The following ZFAND2B variants were observed in gnomAD, a reference collection of about 807,000 sequenced individuals.
ZFAND2B encodes zinc finger AN1-type containing 2B.
A neutral mutation model predicts 38.2 loss-of-function variants in ZFAND2B; 27 were observed. The observed-to-expected ratio is 0.71, with a 90% CI of 0.52 to 0.97. The LOEUF (loss-of-function observed/expected upper bound fraction) is 0.97. ZFAND2B is among the 50% of genes least tolerant of loss of function. The pLI, the probability that ZFAND2B is intolerant of heterozygous loss-of-function variation, is 0.00. For missense variants in ZFAND2B, 303 were observed against 331.5 expected (o/e 0.91, Z 0.67); for synonymous variants, 111 against 119.4 (o/e 0.93, Z 0.46).
intron 4 of ZFAND2B, 79 bp from the exon 5 acceptor site, chr2:219,208,177 G>A: frequency 6.3e-7 from 1 of 1,599,790 alleles, no homozygotes; most frequent in East Asian, 2.2e-5. Context: ...TCAAGTGCAT[G>A]TTTTTCCAGA....
In ZFAND2B at chr2:219,209,021, C is replaced by T; in HGVS notation, c.701C>T (p.Ala234Val). The change falls in exon 8 of 9, where the codon GCC becomes GTC. Residue 234 changes from alanine to valine, a missense_variant. Coordinates refer to ENST00000289528, the MANE Select transcript of ZFAND2B (RefSeq NM_138802.3). The stretch of plus-strand genomic sequence containing the variant: ...CTAGCTTTAGCACAAGCACTGTCAG[C>T]CAGTGAGGCAGAATACCAGCGGCAG... ...EDLALAQALS[A>V]SEAEYQRQQA... is the part of the protein sequence containing the mutation. 6.2e-7 allele frequency: 1 copy of T among 1,614,154 alleles called. No individual in the cohort carries two copies. The highest frequency in any genetic ancestry group is 8.5e-7 in the Non-Finnish European group (1 of 1,180,016).
At position 219,207,360 on chromosome 2, in the gene ZFAND2B, G is replaced by T; in HGVS notation, c.89G>T (p.Gly30Val). The T allele has an allele frequency of 6.2e-7, 1 of 1,613,848 alleles. No homozygotes were observed. Among genetic ancestry groups the T allele is most frequent in the African/African-American group, 1.3e-5 (1 of 75,052 alleles). Residue 30 changes from glycine (G) to valine (V), a missense_variant, in exon 2 of 9, where the codon GGC becomes GTC. Gly to Val is a moderately radical substitution (Grantham distance 109). Coordinates refer to ENST00000289528, the MANE Select transcript of ZFAND2B (RefSeq NM_138802.3). ...CCGCTTAAGTGTGATGCCTGCTCAG[G>T]CATCTTCTGCGCAGACCATGTGGCC... ...FLPLKCDACS[G>V]IFCADHVAYA...
At chr2:219,207,807 C>A (rs767520105) in intron 3 of ZFAND2B, 28 bp downstream of exon 3, 1 of 1,613,756 alleles carries the variant, frequency 6.2e-7, no homozygotes. Flanking sequence ...CAGCCACAAC[C>A]CAGCTGGGAC....
chr2:219,207,962 C>T lies in ZFAND2B; in HGVS notation c.358C>T (p.Arg120Ter), dbSNP rs535919706. The T allele has an allele frequency of 1.9e-6, 3 of 1,614,070 alleles. No individual in the cohort carries two copies. The highest frequency in any genetic ancestry group is 1.7e-5 in the Admixed American group (1 of 60,016). Residue 120 changes from arginine to a stop codon, truncating the protein, a stop_gained, in exon 4 of 9, where the codon CGA becomes TGA. Transcript: ENST00000289528. LOFTEE classifies it high-confidence loss of function. ...GAAACTGACCTGTGAACGCTGTAGCCGAAACTTCTGCATCAAGCACCGGCA... is the reference window on the plus strand; with the variant it reads ...GAAACTGACCTGTGAACGCTGTAGCTGAAACTTCTGCATCAAGCACCGGCA... ...MMKLTCERCS[R>*]NFCIKHRHPL...
At position 219,207,942 on chromosome 2, in the gene ZFAND2B, T is replaced by G; in HGVS notation, c.338T>G (p.Leu113Arg). ...AGCRQREMMK[L>R]TCERCSRNFC... is the part of the protein sequence containing the mutation. ...TGCCGGCAGCGAGAAATGATGAAAC[T>G]GACCTGTGAACGCTGTAGCCGAAAC... is the stretch of plus-strand genomic sequence containing the variant. Residue 113 changes from leucine to arginine, a missense_variant, in exon 4 of 9, where the codon CTG (leucine) becomes CGG (arginine). Transcript: ENST00000289528. 3 of 1,614,118 alleles carry G rather than the reference T, an allele frequency of 1.9e-6. No individual in the cohort carries two copies. Among genetic ancestry groups the G allele is most frequent in the Non-Finnish European group, 2.5e-6 (3 of 1,180,018 alleles).
At chr2:219,208,086 G>C (rs1299783717) in intron 4 of ZFAND2B, 48 bp downstream of exon 4, 1 of 1,613,186 alleles carries the variant, frequency 6.2e-7, no homozygotes, top group Admixed American at 1.7e-5. Flanking sequence ...CATTCTTTTG[G>C]AACTGACTCA....
Position 219,207,963 on chromosome 2 carries a change from G to A in ZFAND2B, c.359G>A (p.Arg120Gln), listed in dbSNP as rs768918445. Reference sequence around the variant, plus strand: ...AAACTGACCTGTGAACGCTGTAGCCGAAACTTCTGCATCAAGCACCGGCAT... The same window carrying A: ...AAACTGACCTGTGAACGCTGTAGCCAAAACTTCTGCATCAAGCACCGGCAT... Reference protein sequence around the residue: ...MMKLTCERCSRNFCIKHRHPL... With the variant: ...MMKLTCERCSQNFCIKHRHPL... Residue 120 changes from arginine (R) to glutamine (Q), a missense_variant, in exon 4 of 9, where the codon CGA becomes CAA. By Grantham distance (43) the Arg-to-Gln change is conservative. Transcript: ENST00000289528. 121 of 1,614,006 alleles carry A rather than the reference G, an allele frequency of 7.5e-5. No homozygotes were observed. The highest frequency in any genetic ancestry group is 9.3e-5 in the Non-Finnish European group (110 of 1,180,024).
In ZFAND2B at chr2:219,209,248, T is replaced by A; in HGVS notation, c.730-14T>A. ...GCACTGTGTCTTCCCCTCCTTCCCC[T>A]CTCTTTGCTCTAGGCCCAGAGCCGC... On this transcript the variant is annotated splice_polypyrimidine_tract_variant and intron_variant, in intron 8 of 8. Coordinates refer to ENST00000289528, the MANE Select transcript of ZFAND2B (RefSeq NM_138802.3). The A allele has an allele frequency of 6.2e-7, 1 of 1,603,004 alleles. No homozygotes were observed. Among genetic ancestry groups the A allele is most frequent in the South Asian group, 1.1e-5 (1 of 89,846 alleles).
chr2:219,207,189 G>T (rs1950498209), intron 1 of ZFAND2B, 138 bp from the exon 2 acceptor site: 3 of 1,363,824 alleles, frequency 2.2e-6, no homozygotes, highest in Non-Finnish European at 3.1e-6. Flanking sequence ...GAGGGGGCGT[G>T]GCCAAGGAGG....
chr2:219,208,197 C>G, intron 4 of ZFAND2B, 59 bp from the exon 5 acceptor site: 1 of 1,606,500 alleles, frequency 6.2e-7, no homozygotes, highest in Non-Finnish European at 8.5e-7. Context: ...AACTCCCCTC[C>G]TGACTTCCTG....
At chr2:219,207,082 A>G in intron 1 of ZFAND2B, 40 bp downstream of exon 1, 2 of 1,490,528 alleles carry the variant, frequency 1.3e-6, no homozygotes, top group East Asian at 5.1e-5. Context: ...CCCAGCGGAC[A>G]GGGACTTTGA....
intron 7 of ZFAND2B, 165 bp downstream of exon 7, chr2:219,208,804 C>A: frequency 2.0e-6 from 2 of 1,019,722 alleles, no homozygotes; most frequent in Non-Finnish European, 2.9e-6. Context: ...ACCCATGGAG[C>A]CTTCATTTCC....
chr2:219,207,253 C>G (rs1950499403), intron 1 of ZFAND2B, 74 bp from the exon 2 acceptor site: 2 of 1,523,124 alleles, frequency 1.3e-6, no homozygotes, highest in Admixed American at 1.7e-5. Context: ...TTTTCCTTCC[C>G]GAGTGGAAGA....
rs566376792 is a variant in ZFAND2B at position 219,207,742 on chromosome 2, G to C, written c.245G>C (p.Arg82Thr). ...CGTGCTGTGGGAGAGCACATTGACA[G>C]AGACTGTCGCTCTGATCCAGCACAG... The part of the protein sequence containing the change: ...PDRAVGEHID[R>T]DCRSDPAQQK... The change falls in exon 3 of 9, where the codon AGA becomes ACA. Residue 82 changes from arginine to threonine, a missense_variant. By Grantham distance (71) the Arg-to-Thr change is moderately conservative (BLOSUM62 -1). Coordinates refer to ENST00000289528, the MANE Select transcript of ZFAND2B (RefSeq NM_138802.3). 18 of 1,614,156 alleles carry C rather than the reference G, an allele frequency of 1.1e-5. No homozygotes were observed. Among genetic ancestry groups the C allele is most frequent in the Non-Finnish European group, 1.5e-5 (18 of 1,180,020 alleles).
Position 219,206,818 on chromosome 2 carries a change from CCGGGGGCCGGCTGGCG to C in ZFAND2B, c.-162_-147del. 1.5e-6 allele frequency: 1 copy of C among 647,680 alleles called. No homozygotes were observed. The highest frequency in any genetic ancestry group is 1.9e-5 in the African/African-American group (1 of 51,392). 40.1% of individuals were successfully genotyped at this position (647,680 alleles called of 1,614,324 possible). A position where few individuals can be genotyped will look rare whatever the true frequency, so the allele number is the denominator to read the frequency against. ...GCGCGCGCCGAGGGAGGAGCGGGCG[CCGGGGGCCGGCTGGCG>C]CGGGGGCTCCGGTAACCCGGGCTGG... is the stretch of plus-strand genomic sequence containing the variant. On this transcript the variant is annotated 5_prime_UTR_variant, in exon 1 of 9. Coordinates refer to ENST00000289528, the MANE Select transcript of ZFAND2B (RefSeq NM_138802.3).
chr2:219,209,171 C>G (rs951228756), intron 8 of ZFAND2B, 91 bp from the exon 9 acceptor site: 45 of 1,566,116 alleles, frequency 2.9e-5, no homozygotes, highest in East Asian at 6.8e-5. Context: ...CAGTATGACT[C>G]CAGCCCATGC....
chr2:219,209,208 C>T (rs2106418270), intron 8 of ZFAND2B, 54 bp from the exon 9 acceptor site: 2 of 1,579,260 alleles, frequency 1.3e-6, no homozygotes, highest in Non-Finnish European at 1.7e-6. Context: ...GGCTGTCCCT[C>T]ATTTCCTTGA....
rs1390708277 is a variant in ZFAND2B, at chr2:219,206,897, G to A, written c.-91G>A. 4 of 1,402,354 alleles carry A rather than the reference G, an allele frequency of 2.9e-6. No homozygotes were observed. Among genetic ancestry groups the A allele is most frequent in the Non-Finnish European group, 3.9e-6 (4 of 1,021,366 alleles). 86.9% of individuals were successfully genotyped at this position (1,402,354 alleles called of 1,614,324 possible). On this transcript the variant is annotated 5_prime_UTR_variant, in exon 1 of 9. Transcript: ENST00000289528. ...AAGGGGCGGGGCAGGGAGCCCGCCA[G>A]AGTGCGGGGTCGCGGTGCGGACTTC...
intron 2 of ZFAND2B, 94 bp from the exon 3 acceptor site, chr2:219,207,554 C>A (rs982187890): frequency 1.3e-6 from 2 of 1,586,318 alleles, no homozygotes; most frequent in Non-Finnish European, 1.7e-6. Context: ...TGTTTTTTTG[C>A]GTGTTTGTGG....
Sources: allele counts gnomAD v4.1 joint callset, GRCh38; gene constraint gnomAD v4.1.1; transcripts MANE v1.5; gene names NCBI Gene and HGNC (gene_info 2026-07-23, HGNC 2026-07-21).